The following FMN2 variants were observed in gnomAD, a reference collection of about 807,000 sequenced individuals.
FMN2 encodes the protein formin-2.
FMN2 carries 51 observed loss-of-function variants against 142.3 expected under a neutral mutation model. That is an observed-to-expected ratio of 0.36 (90% CI 0.29 to 0.45). The LOEUF is 0.45. Among genes scored for constraint, FMN2 ranks in the 20% least tolerant of loss-of-function variants. The pLI is 1.00. For missense variants in FMN2, 1,936 were observed against 2,122.8 expected (o/e 0.91, Z 1.73); for synonymous variants, 882 against 869.8 (o/e 1.01, Z -0.25).
At chr1:240,192,909 A>G (rs766151378) in intron 4 of FMN2, among the ~76,000 whole-genome samples, 31 of 152,162 alleles carry the variant, frequency 2.0e-4, no homozygotes, top group South Asian at 4.1e-4. Context: ...AGAAAAATAT[A>G]GACGTTTTAG....
Position 240,237,038 on chromosome 1 carries a change from A to T in FMN2, c.4066-20907A>T, listed in dbSNP as rs1038795580. Among the ~76,000 whole-genome samples, 7 of 152,210 alleles carry T rather than the reference A, an allele frequency of 4.6e-5. No homozygotes were observed. The East Asian group carries it at 9.6e-4, about 21-fold the overall frequency. On this transcript the variant is annotated intron_variant, in intron 6 of 17. Coordinates refer to ENST00000319653, the MANE Select transcript of FMN2 (RefSeq NM_020066.5). ...TTGCTTCCACTAATGGTAGCTAAGGACAGGAAGGATGTGAGTTTTTGTTGT... is the reference window on the plus strand; with the variant it reads ...TTGCTTCCACTAATGGTAGCTAAGGTCAGGAAGGATGTGAGTTTTTGTTGT...
chr1:240,248,667 A>G (rs1477393328), intron 6 of FMN2, among the ~76,000 whole-genome samples: 1 of 151,724 alleles, frequency 6.6e-6, no homozygotes, highest in African/African-American at 2.4e-5. Flanking sequence ...TTTTTGAAAT[A>G]TTTCCATATT....
chr1:240,406,787 T>A (rs1674218863), intron 15 of FMN2, among the ~76,000 whole-genome samples: 1 of 152,166 alleles, frequency 6.6e-6, no homozygotes, highest in Admixed American at 6.5e-5. Context: ...CAGCCCGGTC[T>A]ATAGTTGAGA....
Position 240,178,050 on chromosome 1 carries a change from C to A in FMN2, c.1912C>A (p.Leu638Ile). Residue 638 changes from leucine (L) to isoleucine (I), a missense_variant, in exon 3 of 18, where the codon CTC (leucine) becomes ATC (isoleucine). Leu to Ile is a conservative substitution (Grantham distance 5). Around this residue, in one of 8 missense-constraint regions of FMN2, gnomAD observed 478 missense variants for 462.8 expected, o/e 1.03. Coordinates refer to ENST00000319653, the MANE Select transcript of FMN2 (RefSeq NM_020066.5). ...CAAACCTCCCGATGAGGAACACAGGCTCGAGGATGCTGAAACAGGTAACCC... is the reference window on the plus strand; with the variant it reads ...CAAACCTCCCGATGAGGAACACAGGATCGAGGATGCTGAAACAGGTAACCC... ...PSKPPDEEHR[L>I]EDAETESQSA... 1 of 1,601,624 alleles carries A rather than the reference C, an allele frequency of 6.2e-7. No homozygotes were observed. The highest frequency in any genetic ancestry group is 8.5e-7 in the Non-Finnish European group (1 of 1,176,192).
chr1:240,412,481 A>G (rs1460501567), intron 15 of FMN2, among the ~76,000 whole-genome samples: 1 of 152,194 alleles, frequency 6.6e-6, no homozygotes, highest in Non-Finnish European at 1.5e-5. Flanking sequence ...GTTGCTACAC[A>G]TGAAGATCCA....
At chr1:240,433,713 C>T (rs1675258478) in intron 15 of FMN2, among the ~76,000 whole-genome samples, 1 of 152,174 alleles carries the variant, frequency 6.6e-6, no homozygotes, top group Admixed American at 6.5e-5. Context: ...TTCAGGAATA[C>T]CTTTTTGTAA....
At chr1:240,199,321 C>T (rs944601265) in intron 4 of FMN2, among the ~76,000 whole-genome samples, 1 of 152,116 alleles carries the variant, frequency 6.6e-6, no homozygotes, top group Admixed American at 6.6e-5. Flanking sequence ...CGTTAACTTA[C>T]CAATAAGCAG....
rs1237003165 is a variant in FMN2, at chr1:240,093,685, GC to G, written c.1581del (p.Ala528ArgfsTer140). On this transcript the variant is annotated frameshift_variant, in exon 1 of 18. Coordinates refer to ENST00000319653, the MANE Select transcript of FMN2 (RefSeq NM_020066.5). LOFTEE classifies it high-confidence loss of function. Reference sequence around the variant, plus strand: ...AGCACTGGCCGCCAAGGCGTCTGGGGCCCCCGCGGCTGCGGATGGCTTCCAG... The same window carrying G: ...AGCACTGGCCGCCAAGGCGTCTGGGGCCCCGCGGCTGCGGATGGCTTCCAG... ...SPALAAKASG[A>X]PAAADGFQNV... 2.2e-6 allele frequency: 3 copies of G among 1,367,386 alleles called. No individual in the cohort carries two copies. The highest frequency in any genetic ancestry group is 2.0e-5 in the South Asian group (1 of 50,872). The allele number at this position is 1,367,386 out of a possible 1,614,324, so 84.7% of individuals were successfully genotyped here.
rs35655150 is a variant in FMN2 at position 240,259,487 on chromosome 1, C to CT, written c.4153+1473dup. Among the ~76,000 whole-genome samples, 836 of 134,240 alleles carry CT rather than the reference C, an allele frequency of 6.2e-3. 14 individuals are homozygous for CT. Among genetic ancestry groups the CT allele is most frequent in the East Asian group, 0.039 (175 of 4,500 alleles). 88.1% of individuals were successfully genotyped at this position (134,240 alleles called of 152,430 possible). On this transcript the variant is annotated intron_variant, in intron 7 of 17. Coordinates refer to ENST00000319653, the MANE Select transcript of FMN2 (RefSeq NM_020066.5). ...TTTAGTCCCTTTGAAACCCTGTACA[C>CT]TTTTTTTTTTTTTTTTTTAATATGG...
chr1:240,099,873 C>T (rs1397021647), intron 1 of FMN2, among the ~76,000 whole-genome samples: 1 of 152,138 alleles, frequency 6.6e-6, no homozygotes, highest in Non-Finnish European at 1.5e-5. Flanking sequence ...TTTCCTTCCT[C>T]CTTGCCTGTT....
chr1:240,290,902 C>A (rs2102954114), intron 7 of FMN2, among the ~76,000 whole-genome samples: 1 of 149,528 alleles, frequency 6.7e-6, no homozygotes, highest in Non-Finnish European at 1.5e-5. Flanking sequence ...GGCCCTCTAC[C>A]TCCCGGGTTC....
rs769158313 is a variant in FMN2 at position 240,092,029 on chromosome 1, C to T, written c.-81C>T. 6.8e-7 allele frequency: 1 copy of T among 1,475,080 alleles called. No homozygotes were observed. Among genetic ancestry groups the T allele is most frequent in the East Asian group, 2.5e-5 (1 of 40,090 alleles). The allele number at this position is 1,475,080 out of a possible 1,614,324, so 91.4% of individuals were successfully genotyped here. A position where few individuals can be genotyped will look rare whatever the true frequency, so the allele number is the denominator to read the frequency against. ...GCCGCCTGACTCTCCCGGGAGACTC[C>T]CTAGGCCCGGACCTGGGGCCGAGGA... On this transcript the variant is annotated 5_prime_UTR_variant, in exon 1 of 18. Coordinates refer to ENST00000319653, the MANE Select transcript of FMN2 (RefSeq NM_020066.5).
At chr1:240,205,414 T>C (rs1425711832) in intron 4 of FMN2, among the ~76,000 whole-genome samples, 1 of 152,022 alleles carries the variant, frequency 6.6e-6, no homozygotes, top group African/African-American at 2.4e-5. Context: ...TCATCTGTTA[T>C]TCATATTAAA....
At chr1:240,362,483 A>T (rs529210445) in intron 14 of FMN2, among the ~76,000 whole-genome samples, 3 of 152,170 alleles carry the variant, frequency 2.0e-5, no homozygotes. Context: ...TTTTCCTAAT[A>T]TATCTCTCAG....
At chr1:240,136,733 T>C (rs73128575) in intron 2 of FMN2, among the ~76,000 whole-genome samples, 3,451 of 152,284 alleles carry the variant, frequency 0.023, 126 homozygotes, top group African/African-American at 0.079. Flanking sequence ...GACTTGTATT[T>C]CTTCTGACCT....
chr1:240,404,905 G>A (rs1218624566), intron 15 of FMN2, among the ~76,000 whole-genome samples: 1 of 152,040 alleles, frequency 6.6e-6, no homozygotes, highest in Admixed American at 6.6e-5. Context: ...GAATTTTAAT[G>A]TTTTTTTCCA....
intron 7 of FMN2, among the ~76,000 whole-genome samples, chr1:240,290,310 A>G (rs10926199): frequency 0.017 from 2,641 of 152,312 alleles, 29 homozygotes; most frequent in Non-Finnish European, 0.028. Context: ...TTTAACAACA[A>G]TGACATTGGA....
chr1:240,415,094 T>C (rs1386683171), intron 15 of FMN2, among the ~76,000 whole-genome samples: 10 of 152,246 alleles, frequency 6.6e-5, no homozygotes, highest in Non-Finnish European at 1.5e-4. Context: ...GCTGGAAAAC[T>C]TTTTTAAAAA....
intron 4 of FMN2, among the ~76,000 whole-genome samples, chr1:240,199,552 T>C (rs1174180440): frequency 6.6e-6 from 1 of 152,176 alleles, no homozygotes; most frequent in Non-Finnish European, 1.5e-5. Context: ...TATTTTTTAA[T>C]GGAAACTTGT....
Sources: allele counts gnomAD v4.1 joint callset (sites outside exome capture counted in the v4.1 genomes callset), GRCh38; gene constraint gnomAD v4.1.1; regional missense constraint gnomAD v4.1.1; transcripts MANE v1.5; gene names NCBI Gene and HGNC (gene_info 2026-07-23, HGNC 2026-07-21).